The following SMARCA4 variants were observed in gnomAD, a reference collection of about 807,000 sequenced individuals.
The protein encoded by SMARCA4 is SWI/SNF-related matrix-associated actin-dependent regulator of chromatin subfamily A member 4.
In SMARCA4, 31 loss-of-function variants were observed where a neutral mutation model predicts 193.9. The observed-to-expected ratio is 0.16, with a 90% CI of 0.12 to 0.22. The LOEUF (loss-of-function observed/expected upper bound fraction) is 0.22. SMARCA4 is among the 10% of genes least tolerant of loss of function. The pLI, the probability that SMARCA4 is intolerant of heterozygous loss-of-function variation, is 1.00. For missense variants in SMARCA4, 1,148 were observed against 2,296.0 expected (o/e 0.50, Z 10.22); for synonymous variants, 942 against 933.1 (o/e 1.01, Z -0.17).
chr19:11,058,466 A>C lies in SMARCA4; in HGVS notation c.4533+103A>C. 1 of 859,192 alleles carries C rather than the reference A, an allele frequency of 1.2e-6. No individual in the cohort carries two copies. The highest frequency in any genetic ancestry group is 1.9e-6 in the Non-Finnish European group (1 of 519,220). The allele number at this position is 859,192 out of a possible 1,614,324, so 53.2% of individuals were successfully genotyped here. ...GTGGTGTGTGGGCAGAATGACCAGA[A>C]ACCACCTAGGCGGTGCCTTGGGCTA... On this transcript the variant is annotated intron_variant, in intron 31 of 34. Coordinates refer to ENST00000344626, the MANE Select transcript of SMARCA4 (RefSeq NM_003072.5). This position sits in a 1 kb window ranked among gnomAD's most constrained non-coding sequence, Gnocchi z 5.8.
chr19:10,975,712 G>A (rs555650524), intron 1 of SMARCA4, among the ~76,000 whole-genome samples: 1 of 152,280 alleles, frequency 6.6e-6, no homozygotes, highest in South Asian at 2.1e-4. Flanking sequence ...AGGCAATATG[G>A]CCACACCACT....
At chr19:11,026,426 C>G (rs1337278351) in intron 23 of SMARCA4, 80 bp downstream of exon 23, 2 of 1,037,236 alleles carry the variant, frequency 1.9e-6, no homozygotes, top group Non-Finnish European at 3.0e-6. Flanking sequence ...TTTATTGCTG[C>G]TGTTATGTTG....
intron 9 of SMARCA4, chr19:10,995,353 G>T: frequency 4.1e-6 from 2 of 487,740 alleles, no homozygotes; most frequent in Non-Finnish European, 8.1e-6. Flanking sequence ...TGACTGAGTC[G>T]CTGGTTGGGC....
At chr19:11,044,473 C>T (rs2075789157) in intron 30 of SMARCA4, among the ~76,000 whole-genome samples, 2 of 152,256 alleles carry the variant, frequency 1.3e-5, no homozygotes, top group East Asian at 1.9e-4. Flanking sequence ...GGACAAGAGC[C>T]GGGAACAGAC....
At position 11,019,763 on chromosome 19, in the gene SMARCA4, G is replaced by A; in HGVS notation, c.2616+62G>A. The A allele has an allele frequency of 8.8e-7, 1 of 1,136,718 alleles. No individual in the cohort carries two copies. Among genetic ancestry groups the A allele is most frequent in the Non-Finnish European group, 1.3e-6 (1 of 758,030 alleles). The allele number at this position is 1,136,718 out of a possible 1,614,324, so 70.4% of individuals were successfully genotyped here. A position where few individuals can be genotyped will look rare whatever the true frequency, so the allele number is the denominator to read the frequency against. The stretch of plus-strand genomic sequence containing the variant: ...CGAGTGCTCACACGTGGGTCACGCT[G>A]CCCGTCTCCTCCAAAGCCCCTACAA... On this transcript the variant is annotated intron_variant, in intron 18 of 34. Coordinates refer to ENST00000344626, the MANE Select transcript of SMARCA4 (RefSeq NM_003072.5). This position sits in a 1 kb window ranked among gnomAD's most constrained non-coding sequence, Gnocchi z 6.1.
chr19:10,980,259 CAGG>C (rs2085455407), intron 1 of SMARCA4, among the ~76,000 whole-genome samples: 1 of 152,226 alleles, frequency 6.6e-6, no homozygotes, highest in Admixed American at 6.5e-5. Flanking sequence ...GCAGCATTTT[CAGG>C]AGGAGAGGCC....
intron 15 of SMARCA4, chr19:11,012,549 G>C: frequency 3.4e-6 from 1 of 296,980 alleles, no homozygotes; most frequent in East Asian, 7.7e-5. Context: ...TGATGTTCAG[G>C]CAGTGAATTC....
chr19:11,042,971 C>T (rs555115565), intron 30 of SMARCA4, among the ~76,000 whole-genome samples: 11 of 151,636 alleles, frequency 7.3e-5, no homozygotes, highest in Non-Finnish European at 1.6e-4. Context: ...GCAAGACGCC[C>T]ACTCCAAAAA....
chr19:10,981,918 G>A (rs1462324412), intron 1 of SMARCA4, among the ~76,000 whole-genome samples: 1 of 152,132 alleles, frequency 6.6e-6, no homozygotes, highest in Non-Finnish European at 1.5e-5. Flanking sequence ...AGCCCCCGAG[G>A]TCAAGGCTGC....
chr19:11,013,182 C>T lies in SMARCA4; in HGVS notation c.2438+70C>T, dbSNP rs151222249. 1.6e-4 allele frequency: 254 copies of T among 1,546,576 alleles called. 3 individuals are homozygous for T. The African/African-American group carries it at 1.9e-3, about 11-fold the overall frequency. ...TCCTGTGTTTGTTTCCTAAGTTTGC[C>T]GCAGTAGAATACCACAAACGAGGTG... is the stretch of plus-strand genomic sequence containing the variant. On this transcript the variant is annotated intron_variant, in intron 16 of 34. Transcript: ENST00000344626.
intron 1 of SMARCA4, among the ~76,000 whole-genome samples, chr19:10,978,876 G>T (rs1249596621): frequency 1.3e-5 from 2 of 152,016 alleles, no homozygotes; most frequent in Non-Finnish European, 2.9e-5. Context: ...TTGAACCTAG[G>T]AGGCGGAGGT....
At chr19:11,009,296 A>T (rs985728022) in intron 14 of SMARCA4, among the ~76,000 whole-genome samples, 1 of 152,014 alleles carries the variant, frequency 6.6e-6, no homozygotes, top group Admixed American at 6.6e-5. Context: ...CTGGGATTAC[A>T]GGCGTGAGCC....
rs117070009 is a variant in SMARCA4 at position 11,049,429 on chromosome 19, G to T, written c.4424+7869G>T. Among the ~76,000 whole-genome samples the T allele has an allele frequency of 1.6e-4, 24 of 151,716 alleles. No individual in the cohort carries two copies. The East Asian group carries it at 3.7e-3, about 23-fold the overall frequency. On this transcript the variant is annotated intron_variant, in intron 30 of 34. Coordinates refer to ENST00000344626, the MANE Select transcript of SMARCA4 (RefSeq NM_003072.5). ...AACGTTCTCTGTGGCTTCGGGTCAG[G>T]TTCGGGCTTGTGGGGCTGTACACTG...
intron 16 of SMARCA4, among the ~76,000 whole-genome samples, chr19:11,016,328 A>T (rs2089360514): frequency 6.6e-6 from 1 of 152,220 alleles, no homozygotes; most frequent in Admixed American, 6.5e-5. Flanking sequence ...CCCACCTCCA[A>T]CATTGGAAAT....
intron 14 of SMARCA4, among the ~76,000 whole-genome samples, chr19:11,009,141 C>T (rs1290814454): frequency 6.8e-6 from 1 of 147,382 alleles, no homozygotes; most frequent in Non-Finnish European, 1.5e-5. Context: ...CTTGCCTCGG[C>T]CTCCTGAGTA....
intron 1 of SMARCA4, among the ~76,000 whole-genome samples, chr19:10,978,542 C>T (rs758129198): frequency 2.0e-5 from 3 of 151,786 alleles, no homozygotes; most frequent in Non-Finnish European, 2.9e-5. Context: ...CCATTTTGGT[C>T]AGGCTGGTCT....
chr19:10,967,082 T>A (rs987919505), intron 1 of SMARCA4, among the ~76,000 whole-genome samples: 14 of 152,054 alleles, frequency 9.2e-5, no homozygotes, highest in Non-Finnish European at 1.8e-4. Context: ...TTGATTGAAG[T>A]TTTCTGTTAA....
intron 30 of SMARCA4, among the ~76,000 whole-genome samples, chr19:11,053,182 C>T (rs1480914469): frequency 1.3e-5 from 2 of 152,122 alleles, no homozygotes; most frequent in Non-Finnish European, 2.9e-5. Context: ...GGGCGGATCA[C>T]CTGAGGTCAG....
chr19:10,999,265 C>T (rs929589606), intron 11 of SMARCA4, among the ~76,000 whole-genome samples: 6 of 152,120 alleles, frequency 3.9e-5, no homozygotes, highest in Non-Finnish European at 7.4e-5. Flanking sequence ...GGGGGTGCTT[C>T]CTGCTAGTGG....
Sources: gnomAD v4.1 joint callset for allele counts (sites outside exome capture counted in the v4.1 genomes callset) on GRCh38, gnomAD v4.1.1 for gene constraint, Gnocchi (gnomAD v3.1) non-coding constraint, MANE v1.5 for transcripts, NCBI Gene and HGNC (gene_info 2026-07-23, HGNC 2026-07-21) for gene names.